EPB41L5: variants seen among roughly 807,000 people sequenced by gnomAD.
The protein encoded by EPB41L5 is erythrocyte membrane protein band 4.1 like 5.
EPB41L5 carries 55 observed loss-of-function variants against 106.6 expected under a neutral mutation model. The ratio of observed to expected loss-of-function variants is 0.52; its 90% confidence interval spans 0.42 to 0.65. The LOEUF (loss-of-function observed/expected upper bound fraction) is 0.65, where lower values mean the gene tolerates loss of function less well. EPB41L5 is among the 30% of genes least tolerant of loss of function. The pLI is 0.00. For synonymous variants in EPB41L5, 297 were observed against 306.7 expected (o/e 0.97, Z 0.33); for missense variants, 871 against 882.1 (o/e 0.99, Z 0.16).
chr2:120,120,250 G>A (rs1227001001), intron 16 of EPB41L5, among the ~76,000 whole-genome samples: 3 of 151,952 alleles, frequency 2.0e-5, no homozygotes, highest in African/African-American at 7.2e-5. Context: ...CCAACATGGT[G>A]AAACCCCATC....
At chr2:120,104,159 T>C in intron 16 of EPB41L5, 1 of 1,536,086 alleles carries the variant, frequency 6.5e-7, no homozygotes, top group Non-Finnish European at 8.7e-7. Flanking sequence ...ACACTGACTT[T>C]GTTCATGAGC....
intron 18 of EPB41L5, among the ~76,000 whole-genome samples, chr2:120,133,033 TGAG>T (rs558443935): frequency 4.6e-5 from 7 of 152,116 alleles, no homozygotes; most frequent in Non-Finnish European, 8.8e-5. Flanking sequence ...CTTGAAAAGA[TGAG>T]GAGGAGTGTG....
chr2:120,104,475 A>G, intron 16 of EPB41L5: 2 of 1,193,204 alleles, frequency 1.7e-6, no homozygotes, highest in Non-Finnish European at 2.1e-6. Context: ...TGTGTATACC[A>G]TTGTGGTTTT....
rs1365112355 is a variant in EPB41L5, at chr2:120,019,259, T to C, written c.175T>C (p.Leu59=). 6.2e-7 allele frequency: 1 copy of C among 1,606,360 alleles called. No individual in the cohort carries two copies. Among genetic ancestry groups the C allele is most frequent in the East Asian group, 2.2e-5 (1 of 44,822 alleles). The change falls in exon 2 of 25, where the codon TTG becomes CTG. Residue 59 remains leucine, a synonymous_variant. Coordinates refer to ENST00000263713, the MANE Select transcript of EPB41L5 (RefSeq NM_020909.4). ...GGATGGTACTGATGTTAGTGTGGAC[T>C]TGCCAGTAAGTAGGTCTTGCTGAGC... ...LLDGTDVSVD[L]PKKAKGQELF... is the part of the protein sequence containing the mutation.
chr2:120,023,923 A>G (rs1678118176), intron 2 of EPB41L5, among the ~76,000 whole-genome samples: 1 of 152,018 alleles, frequency 6.6e-6, no homozygotes, highest in Non-Finnish European at 1.5e-5. Flanking sequence ...ATTCCTAGGC[A>G]TTTTATTCTC....
At chr2:120,105,369 A>C in intron 16 of EPB41L5, 1 of 975,560 alleles carries the variant, frequency 1.0e-6, no homozygotes, top group Non-Finnish European at 1.2e-6. Flanking sequence ...CTTCAAGATA[A>C]TGAAGCTTCA....
chr2:120,147,014 G>A (rs1234972190), intron 20 of EPB41L5, among the ~76,000 whole-genome samples: 1 of 152,108 alleles, frequency 6.6e-6, no homozygotes, highest in African/African-American at 2.4e-5. Context: ...AGTACTAATT[G>A]GTGATCAGGG....
chr2:120,106,824 A>G, intron 16 of EPB41L5: 1 of 985,354 alleles, frequency 1.0e-6, no homozygotes, highest in Non-Finnish European at 1.2e-6. Context: ...CCTATCTTGG[A>G]GTAAGATCTA....
In EPB41L5 at chr2:120,134,352, G is replaced by A. The variant is rs140939919; in HGVS notation, c.1599+2637G>A. Among the ~76,000 whole-genome samples the A allele has an allele frequency of 2.6e-4, 40 of 152,262 alleles. 1 individual carries two copies. In the East Asian group the frequency reaches 6.8e-3, roughly 26 times the overall value. ...GACGGCATTTCTGAACTAGCCCTGA[G>A]CCAGAAGAGAACCTGCAGTCTTACA... On this transcript the variant is annotated intron_variant, in intron 18 of 24. Transcript: ENST00000263713.
chr2:120,082,158 T>C (rs1394209210), intron 10 of EPB41L5, among the ~76,000 whole-genome samples: 1 of 151,912 alleles, frequency 6.6e-6, no homozygotes, highest in African/African-American at 2.4e-5. Flanking sequence ...TGAATAGGAG[T>C]GGTGAGAGAG....
intron 3 of EPB41L5, among the ~76,000 whole-genome samples, chr2:120,055,636 A>G (rs1680602045): frequency 6.6e-6 from 1 of 151,632 alleles, no homozygotes; most frequent in Non-Finnish European, 1.5e-5. Flanking sequence ...TTTTTAAAAC[A>G]ATGTTTTATA....
intron 16 of EPB41L5, among the ~76,000 whole-genome samples, chr2:120,114,847 A>G (rs1415938551): frequency 3.3e-5 from 5 of 152,204 alleles, no homozygotes. Flanking sequence ...ATTGATCAGA[A>G]GATAAACTTA....
At chr2:120,122,095 A>G (rs961767430) in intron 16 of EPB41L5, among the ~76,000 whole-genome samples, 2 of 152,156 alleles carry the variant, frequency 1.3e-5, no homozygotes, top group African/African-American at 4.8e-5. Context: ...AGATGGGTAG[A>G]TTGCAAAAAT....
At chr2:120,059,536 G>C (rs1680883629) in intron 3 of EPB41L5, among the ~76,000 whole-genome samples, 1 of 152,140 alleles carries the variant, frequency 6.6e-6, no homozygotes, top group African/African-American at 2.4e-5. Context: ...AATAGAACGA[G>C]AAGCTAAGCT....
rs760842453 is a variant in EPB41L5, at chr2:120,164,827, C to T, written c.1888-9C>T. On this transcript the variant is annotated splice_polypyrimidine_tract_variant and intron_variant, in intron 21 of 24. Coordinates refer to ENST00000263713, the MANE Select transcript of EPB41L5 (RefSeq NM_020909.4). ...TCATTTAACAATTCTAGATTCCTGTCTTCCATAGGAAGCTACAGATGAATT... is the reference window on the plus strand; with the variant it reads ...TCATTTAACAATTCTAGATTCCTGTTTTCCATAGGAAGCTACAGATGAATT... The T allele has an allele frequency of 1.9e-6, 3 of 1,596,280 alleles. No individual in the cohort carries two copies. Among genetic ancestry groups the T allele is most frequent in the Admixed American group, 1.8e-5 (1 of 56,308 alleles).
chr2:120,077,435 T>C (rs1682326213), intron 9 of EPB41L5, 119 bp downstream of exon 9: 1 of 614,150 alleles, frequency 1.6e-6, no homozygotes, highest in Non-Finnish European at 2.7e-6. Context: ...CTGGGTACTT[T>C]GGATGTATGG....
intron 10 of EPB41L5, among the ~76,000 whole-genome samples, chr2:120,080,185 C>T (rs950087193): frequency 5.9e-5 from 9 of 151,348 alleles, no homozygotes; most frequent in East Asian, 3.9e-4. Flanking sequence ...TGTATACATG[C>T]GCCAAGTTGG....
chr2:120,160,808 A>C (rs1250129919), intron 20 of EPB41L5, 73 bp from the exon 21 acceptor site: 1 of 1,056,114 alleles, frequency 9.5e-7, no homozygotes, highest in African/African-American at 1.6e-5. Flanking sequence ...TTCTTTCCTA[A>C]GCCCTTTCTT....
chr2:120,078,574 T>C lies in EPB41L5; in HGVS notation c.796T>C (p.Phe266Leu). The change falls in exon 10 of 25, where the codon TTT becomes CTT. Residue 266 changes from phenylalanine (F) to leucine (L), a missense_variant. Phe to Leu is a conservative substitution (Grantham distance 22). Coordinates refer to ENST00000263713, the MANE Select transcript of EPB41L5 (RefSeq NM_020909.4). ...TGAAGGAGATACCAAAATTGGCTTA[T>C]TTTTTTGGTAAGCAAGAGTTATTGT... Reference protein sequence around the residue: ...VFEGDTKIGLFFWPKITRLDF... With the variant: ...VFEGDTKIGLLFWPKITRLDF... 6.2e-7 allele frequency: 1 copy of C among 1,601,998 alleles called. No individual in the cohort carries two copies. Among genetic ancestry groups the C allele is most frequent in the Non-Finnish European group, 8.5e-7 (1 of 1,172,726 alleles).
Sources: gnomAD v4.1 joint callset for allele counts (sites outside exome capture counted in the v4.1 genomes callset) on GRCh38, gnomAD v4.1.1 for gene constraint, MANE v1.5 for transcripts, NCBI Gene and HGNC (gene_info 2026-07-23, HGNC 2026-07-21) for gene names.